ATG5: variants seen among roughly 807,000 people sequenced by gnomAD.
ATG5 encodes the protein autophagy protein 5.
A neutral mutation model predicts 36.5 loss-of-function variants in ATG5; 14 were observed. The observed-to-expected ratio is 0.38, with a 90% confidence interval of 0.25 to 0.60. The LOEUF (loss-of-function observed/expected upper bound fraction) is 0.60, where lower values mean the gene tolerates loss of function less well. Ranked by LOEUF, ATG5 falls within the 20% of genes least tolerant of loss-of-function variation. The probability of loss-of-function intolerance (pLI) is 0.60; values close to 1 mark genes in which losing one functional copy is unlikely to be tolerated. For synonymous variants in ATG5, 95 were observed against 101.5 expected (o/e 0.94, Z 0.38); for missense variants, 195 against 326.7 (o/e 0.60, Z 3.11).
chr6:106,188,641 A>G (rs115372572), intron 7 of ATG5, among the ~76,000 whole-genome samples: 374 of 152,344 alleles, frequency 2.5e-3, no homozygotes, highest in African/African-American at 8.5e-3. Context: ...GTACAACAGA[A>G]GCTGGAGGAC....
intron 3 of ATG5, among the ~76,000 whole-genome samples, chr6:106,304,917 C>A (rs1330052938): frequency 2.0e-5 from 3 of 152,148 alleles, no homozygotes; most frequent in Admixed American, 6.5e-5. Context: ...TATGGTGAAA[C>A]CCTGTCTCTA....
chr6:106,202,238 G>T, intron 6 of ATG5, 149 bp from the exon 7 acceptor site: 1 of 524,254 alleles, frequency 1.9e-6, no homozygotes. Context: ...TGGTATCACT[G>T]TGAAAAATGT....
At chr6:106,219,322 T>C (rs1351872376) in intron 6 of ATG5, among the ~76,000 whole-genome samples, 1 of 152,210 alleles carries the variant, frequency 6.6e-6, no homozygotes, top group Non-Finnish European at 1.5e-5. Flanking sequence ...CATGGTTAAA[T>C]GAAGTTCAAA....
chr6:106,194,253 C>A (rs752143479), intron 7 of ATG5, among the ~76,000 whole-genome samples: 2 of 152,058 alleles, frequency 1.3e-5, no homozygotes, highest in Non-Finnish European at 2.9e-5. Flanking sequence ...CATGAGTTTG[C>A]AAACTGAGTG....
chr6:106,265,187 A>AG (rs1319494441), intron 5 of ATG5, among the ~76,000 whole-genome samples: 1 of 149,022 alleles, frequency 6.7e-6, no homozygotes, highest in Non-Finnish European at 1.5e-5. Context: ...AAAAAAAAAA[A>AG]GCAGGGGTTG....
At chr6:106,281,581 A>C (rs1298982235) in intron 4 of ATG5, among the ~76,000 whole-genome samples, 1 of 152,236 alleles carries the variant, frequency 6.6e-6, no homozygotes, top group African/African-American at 2.4e-5. Flanking sequence ...AAAACTTGTT[A>C]ATAGACACTG....
chr6:106,243,931 T>TAA (rs1562233105), intron 6 of ATG5, among the ~76,000 whole-genome samples: 2 of 51,342 alleles, frequency 3.9e-5, no homozygotes, highest in Admixed American at 1.8e-4. Context: ...TTTTTTTTTT[T>TAA]AAAGATAGGG....
At chr6:106,214,335 G>T (rs1033400272) in intron 6 of ATG5, among the ~76,000 whole-genome samples, 2 of 152,130 alleles carry the variant, frequency 1.3e-5, no homozygotes, top group Non-Finnish European at 2.9e-5. Context: ...GTGGGTGGGA[G>T]TCTGTAGCAC....
At chr6:106,224,413 A>G (rs1777366627) in intron 6 of ATG5, among the ~76,000 whole-genome samples, 2 of 152,248 alleles carry the variant, frequency 1.3e-5, no homozygotes, top group South Asian at 4.1e-4. Context: ...CTGCAACTCA[A>G]CAAAAGTGAT....
At chr6:106,284,971 A>G (rs1780021527) in intron 4 of ATG5, among the ~76,000 whole-genome samples, 1 of 152,204 alleles carries the variant, frequency 6.6e-6, no homozygotes, top group South Asian at 2.1e-4. Context: ...TGATTATTAT[A>G]GCTTTGACAC....
intron 2 of ATG5, among the ~76,000 whole-genome samples, chr6:106,308,846 T>G (rs771704065): frequency 6.6e-6 from 1 of 152,214 alleles, no homozygotes; most frequent in Non-Finnish European, 1.5e-5. Flanking sequence ...ATGATTCATC[T>G]GAGTCAATTA....
intron 6 of ATG5, among the ~76,000 whole-genome samples, chr6:106,236,563 G>C (rs927080519): frequency 6.6e-6 from 1 of 152,110 alleles, no homozygotes; most frequent in Non-Finnish European, 1.5e-5. Context: ...GTATCTCACT[G>C]TTATTTTCAT....
chr6:106,206,596 A>G (rs1427137981), intron 6 of ATG5, among the ~76,000 whole-genome samples: 1 of 151,752 alleles, frequency 6.6e-6, no homozygotes, highest in Non-Finnish European at 1.5e-5. Context: ...GTTGCAGTGA[A>G]TCAAGATCAT....
At chr6:106,204,540 C>T (rs1776558091) in intron 6 of ATG5, among the ~76,000 whole-genome samples, 1 of 151,856 alleles carries the variant, frequency 6.6e-6, no homozygotes, top group Non-Finnish European at 1.5e-5. Flanking sequence ...AATTGTAATC[C>T]CCACCCGTCT....
chr6:106,262,799 T>G (rs754416781), intron 5 of ATG5, among the ~76,000 whole-genome samples: 5 of 152,226 alleles, frequency 3.3e-5, no homozygotes, highest in Non-Finnish European at 7.3e-5. Flanking sequence ...CATGAGGTAC[T>G]GTGCTACCCG....
chr6:106,246,322 T>C (rs1370491637), intron 6 of ATG5, among the ~76,000 whole-genome samples: 2 of 151,818 alleles, frequency 1.3e-5, no homozygotes, highest in Admixed American at 6.6e-5. Flanking sequence ...ACCCTCCCAC[T>C]TTCTATCTAA....
intron 3 of ATG5, among the ~76,000 whole-genome samples, chr6:106,301,906 T>C (rs1354416392): frequency 6.6e-6 from 1 of 152,016 alleles, no homozygotes; most frequent in Non-Finnish European, 1.5e-5. Context: ...AAAACTGAGA[T>C]ACAAAAAGGT....
intron 5 of ATG5, among the ~76,000 whole-genome samples, chr6:106,274,118 T>C (rs922662039): frequency 6.6e-6 from 1 of 152,192 alleles, no homozygotes; most frequent in Non-Finnish European, 1.5e-5. Context: ...TTTGGGATTG[T>C]ATACTCCGAA....
At chr6:106,198,530 A>T (rs892956449) in intron 7 of ATG5, among the ~76,000 whole-genome samples, 1 of 152,200 alleles carries the variant, frequency 6.6e-6, no homozygotes, top group African/African-American at 2.4e-5. Flanking sequence ...TAATGCCAGC[A>T]CTTTGGGAGG....
Sources: gnomAD v4.1 joint callset for allele counts (sites outside exome capture counted in the v4.1 genomes callset) on GRCh38, gnomAD v4.1.1 for gene constraint, MANE v1.5 for transcripts, NCBI Gene and HGNC (gene_info 2026-07-23, HGNC 2026-07-21) for gene names.